The following EFCAB13 variants were observed in gnomAD, a reference collection of about 807,000 sequenced individuals.
EFCAB13 encodes the protein EF-hand calcium binding domain 13.
EFCAB13 carries 91 observed loss-of-function variants against 110.2 expected under a neutral mutation model. That is an observed-to-expected ratio of 0.83 (90% CI 0.70 to 0.98). The LOEUF (loss-of-function observed/expected upper bound fraction) is 0.98, where lower values mean the gene tolerates loss of function less well. EFCAB13 is among the 50% of genes least tolerant of loss of function. The pLI is 0.00. For missense variants in EFCAB13, 968 were observed against 1,119.4 expected (o/e 0.86, Z 1.93); for synonymous variants, 323 against 369.9 (o/e 0.87, Z 1.45).
intron 23 of EFCAB13, among the ~76,000 whole-genome samples, chr17:47,417,697 A>G (rs1233329782): frequency 6.6e-6 from 1 of 152,062 alleles, no homozygotes; most frequent in African/African-American, 2.4e-5. Context: ...TTTTCTCGCC[A>G]TTTCCACAAT....
intron 23 of EFCAB13, among the ~76,000 whole-genome samples, chr17:47,426,309 TG>T (rs1904954752): frequency 6.6e-6 from 1 of 152,204 alleles, no homozygotes; most frequent in Non-Finnish European, 1.5e-5. Flanking sequence ...GAAGCTTACA[TG>T]GACAAATGTT....
chr17:47,364,576 G>A (rs1383290215), intron 10 of EFCAB13, among the ~76,000 whole-genome samples: 1 of 152,182 alleles, frequency 6.6e-6, no homozygotes, highest in Non-Finnish European at 1.5e-5. Context: ...CTCCCAAAGT[G>A]CTGGGATTAC....
chr17:47,385,960 T>C (rs1041928973), intron 14 of EFCAB13, among the ~76,000 whole-genome samples: 1 of 152,206 alleles, frequency 6.6e-6, no homozygotes, highest in Admixed American at 6.5e-5. Flanking sequence ...TAGTGTAGGC[T>C]GCAGAACAGC....
chr17:47,435,121 T>G (rs111522771), intron 24 of EFCAB13, among the ~76,000 whole-genome samples: 11 of 151,652 alleles, frequency 7.3e-5, no homozygotes, highest in African/African-American at 2.7e-4. Context: ...GAGAAAATAT[T>G]CACAAACTCT....
At position 47,377,538 on chromosome 17, in the gene EFCAB13, A is replaced by G. The variant is rs529970405; in HGVS notation, c.1373-228A>G. On this transcript the variant is annotated intron_variant, in intron 12 of 24. Transcript: ENST00000331493. ...ACAGGCTGTTCCCCCAAACAAGTAG[A>G]TTATAAATGTTTATAGAATGTTAGG... 1.4e-4 allele frequency: 37 copies of G among 267,668 alleles called. No individual in the cohort carries two copies. In the East Asian group the frequency reaches 2.5e-3, roughly 18 times the overall value. The allele number at this position is 267,668 out of a possible 1,614,324, so 16.6% of individuals were successfully genotyped here. A position where few individuals can be genotyped will look rare whatever the true frequency, so the allele number is the denominator to read the frequency against.
chr17:47,345,932 A>G (rs1411789481), intron 8 of EFCAB13, among the ~76,000 whole-genome samples: 1 of 152,154 alleles, frequency 6.6e-6, no homozygotes, highest in Non-Finnish European at 1.5e-5. Flanking sequence ...TATGTCACCT[A>G]TCCAACTTTA....
intron 4 of EFCAB13, among the ~76,000 whole-genome samples, chr17:47,333,430 C>T (rs1442350400): frequency 6.6e-6 from 1 of 152,074 alleles, no homozygotes; most frequent in Non-Finnish European, 1.5e-5. Flanking sequence ...TGTACAGAAG[C>T]TTTTTAGTTT....
chr17:47,367,498 G>A (rs377418129), intron 10 of EFCAB13, among the ~76,000 whole-genome samples: 3 of 152,204 alleles, frequency 2.0e-5, no homozygotes, highest in African/African-American at 4.8e-5. Flanking sequence ...GTAGGACGCC[G>A]GCAGAGAAGG....
chr17:47,380,880 C>CTTTTTTTTT (rs751480738), intron 14 of EFCAB13, among the ~76,000 whole-genome samples: 3 of 122,908 alleles, frequency 2.4e-5, no homozygotes, highest in Admixed American at 8.6e-5. Context: ...ATTGCTTCTT[C>CTTTTTTTTT]TTTTTTTTTT....
intron 23 of EFCAB13, among the ~76,000 whole-genome samples, chr17:47,424,286 C>T (rs979782358): frequency 1.3e-5 from 2 of 152,192 alleles, no homozygotes; most frequent in Admixed American, 6.5e-5. Context: ...AGAAGGCACC[C>T]GCGGAACCGA....
intron 24 of EFCAB13, among the ~76,000 whole-genome samples, chr17:47,439,634 G>A (rs1905278662): frequency 1.3e-5 from 2 of 152,184 alleles, no homozygotes; most frequent in East Asian, 1.9e-4. Flanking sequence ...TTGTTAATTT[G>A]TATGGATTTT....
intron 8 of EFCAB13, among the ~76,000 whole-genome samples, chr17:47,347,333 G>A (rs761358216): frequency 1.9e-4 from 29 of 152,134 alleles, no homozygotes; most frequent in Non-Finnish European, 3.4e-4. Flanking sequence ...TGAAAATAAA[G>A]TGTAGTATCC....
chr17:47,422,091 G>T (rs144144561), intron 23 of EFCAB13, among the ~76,000 whole-genome samples: 1,949 of 152,000 alleles, frequency 0.013, 20 homozygotes, highest in South Asian at 0.054. Flanking sequence ...TATATAAAAA[G>T]GAAAGATATA....
At chr17:47,357,666 C>T (rs1004064892) in intron 9 of EFCAB13, among the ~76,000 whole-genome samples, 7 of 152,182 alleles carry the variant, frequency 4.6e-5, no homozygotes, top group Non-Finnish European at 8.8e-5. Flanking sequence ...CCACCTGCCT[C>T]GGCCTCCCAA....
rs5820651 is a variant in EFCAB13, at chr17:47,336,292, ATT to A, written c.191+952_191+953del. 5.8e-3 allele frequency among the ~76,000 whole-genome samples: 756 copies of A among 130,456 alleles called. 11 individuals are homozygous for A. The highest frequency in any genetic ancestry group is 0.019 in the African/African-American group (655 of 34,626). 85.6% of individuals were successfully genotyped at this position (130,456 alleles called of 152,430 possible). A position where few individuals can be genotyped will look rare whatever the true frequency, so the allele number is the denominator to read the frequency against. On this transcript the variant is annotated intron_variant, in intron 5 of 24. Transcript: ENST00000331493. ...CAGGCGTGCGCCGTCACACTCGGCT[ATT>A]TTTTTTTTTTTTTTTGAAATGGAGT...
intron 23 of EFCAB13, among the ~76,000 whole-genome samples, chr17:47,428,351 T>C (rs1468013261): frequency 6.6e-6 from 1 of 152,040 alleles, no homozygotes; most frequent in African/African-American, 2.4e-5. Context: ...ACATTTTGCA[T>C]TAGGTTCCAA....
intron 23 of EFCAB13, among the ~76,000 whole-genome samples, chr17:47,420,197 C>G (rs986638489): frequency 1.3e-5 from 2 of 152,262 alleles, no homozygotes; most frequent in African/African-American, 4.8e-5. Flanking sequence ...GATCCGCCAG[C>G]CTCGGCCTCC....
At position 47,325,923 on chromosome 17, in the gene EFCAB13, AATATATATATATATATATATATATATAT is replaced by A. The variant is rs60735562; in HGVS notation, c.-247-291_-247-264del. On this transcript the variant is annotated intron_variant, in intron 2 of 24. Coordinates refer to ENST00000331493, the MANE Select transcript of EFCAB13 (RefSeq NM_152347.5). Reference sequence around the variant, plus strand: ...GCAGATTTTATATATATATAAACAAAATATATATATATATATATATATATATATATATATATATAGCATATATATATTT... The same window carrying A: ...GCAGATTTTATATATATATAAACAAAATATATATATAGCATATATATATTT... Among the ~76,000 whole-genome samples, 15 of 102,552 alleles carry A rather than the reference AATATATATATATATATATATATATATAT, an allele frequency of 1.5e-4. 1 individual carries two copies. Among genetic ancestry groups the A allele is most frequent in the Non-Finnish European group, 7.6e-5 (4 of 52,520 alleles). The allele number at this position is 102,552 out of a possible 152,430, so 67.3% of individuals were successfully genotyped here.
chr17:47,402,381 C>T (rs1361095895), intron 18 of EFCAB13, among the ~76,000 whole-genome samples, 178 bp downstream of exon 18: 1 of 152,180 alleles, frequency 6.6e-6, no homozygotes, highest in Non-Finnish European at 1.5e-5. Context: ...AGGAACTTGG[C>T]TTTCAGAATG....
Sources: gnomAD v4.1 joint callset for allele counts (sites outside exome capture counted in the v4.1 genomes callset) on GRCh38, gnomAD v4.1.1 for gene constraint, MANE v1.5 for transcripts, NCBI Gene and HGNC (gene_info 2026-07-23, HGNC 2026-07-21) for gene names.